CAP1: variants seen among roughly 807,000 people sequenced by gnomAD.
CAP1 encodes cyclase associated actin cytoskeleton regulatory protein 1.
Under a neutral mutation model 58.2 loss-of-function variants are expected in CAP1, and 11 were observed. The observed-to-expected ratio is 0.19, with a 90% CI of 0.12 to 0.31. The LOEUF is 0.31. CAP1 is among the 10% of genes least tolerant of loss of function. The pLI is 1.00. For missense variants in CAP1, 423 were observed against 587.5 expected, an observed-to-expected ratio of 0.72 and a Z score of 2.89; for synonymous variants, 183 against 213.8, an observed-to-expected ratio of 0.86 and a Z score of 1.26.
chr1:40,043,038 A>G (rs1234290468), intron 1 of CAP1, among the ~76,000 whole-genome samples: 1 of 152,192 alleles, frequency 6.6e-6, no homozygotes, highest in African/African-American at 2.4e-5. Context: ...ACATCCAGGC[A>G]AAGATGTCTA....
Position 40,064,488 on chromosome 1 carries a change from C to A in CAP1, c.453C>A (p.Gly151=). Residue 151 remains glycine, a synonymous_variant, in exon 6 of 13, where the codon GGC becomes GGA. Coordinates refer to ENST00000372805, the MANE Select transcript of CAP1 (RefSeq NM_006367.4). ...LGWVAMAPKP[G]PYVKEMNDAA... is the part of the protein sequence containing the mutation. ...TCTCTCTCTAGGCTCCCAAGCCTGG[C>A]CCTTATGTGAAAGAAATGAATGATG... is the stretch of plus-strand genomic sequence containing the variant. 6.2e-7 allele frequency: 1 copy of A among 1,613,606 alleles called. No homozygotes were observed. Among genetic ancestry groups the A allele is most frequent in the Non-Finnish European group, 8.5e-7 (1 of 1,179,554 alleles).
At chr1:40,054,888 C>G (rs1465072149) in intron 1 of CAP1, among the ~76,000 whole-genome samples, 1 of 151,896 alleles carries the variant, frequency 6.6e-6, no homozygotes, top group African/African-American at 2.4e-5. Context: ...AACTCCTGGC[C>G]TCAAGTGATT....
At chr1:40,070,650 GA>G (rs1647743581) in intron 11 of CAP1, 138 bp downstream of exon 11, 2 of 942,702 alleles carry the variant, frequency 2.1e-6, no homozygotes, top group African/African-American at 3.3e-5. Context: ...CGTGGCAGAA[GA>G]AGGGTTGGCT....
intron 1 of CAP1, among the ~76,000 whole-genome samples, chr1:40,044,447 A>G (rs559283738): frequency 2.6e-5 from 4 of 152,258 alleles, no homozygotes; most frequent in African/African-American, 9.6e-5. Flanking sequence ...TTCTTTCTTT[A>G]TTTGTGCTAA....
chr1:40,041,830 G>A (rs1267198536), intron 1 of CAP1, among the ~76,000 whole-genome samples: 1 of 152,140 alleles, frequency 6.6e-6, no homozygotes, highest in Non-Finnish European at 1.5e-5. Context: ...ATGTAACAGG[G>A]GGTTCAGGAA....
chr1:40,052,534 C>G (rs540449354), intron 1 of CAP1, among the ~76,000 whole-genome samples: 73 of 152,172 alleles, frequency 4.8e-4, no homozygotes, highest in African/African-American at 1.8e-3. Flanking sequence ...TCTGATACTT[C>G]TGTGTTTGGG....
At chr1:40,048,182 C>A (rs1456599837) in intron 1 of CAP1, among the ~76,000 whole-genome samples, 1 of 152,202 alleles carries the variant, frequency 6.6e-6, no homozygotes, top group Non-Finnish European at 1.5e-5. Context: ...TTGCACCCAC[C>A]CACCATCACG....
intron 1 of CAP1, among the ~76,000 whole-genome samples, chr1:40,053,674 C>T (rs962715786): frequency 1.2e-4 from 18 of 152,006 alleles, no homozygotes; most frequent in Non-Finnish European, 2.1e-4. Context: ...CTCGAACTCC[C>T]GACCTCAGGT....
At position 40,069,818 on chromosome 1, in the gene CAP1, C is replaced by T; in HGVS notation, c.937C>T (p.Arg313Ter). The T allele has an allele frequency of 1.9e-6, 3 of 1,551,470 alleles. No homozygotes were observed. The highest frequency in any genetic ancestry group is 2.6e-6 in the Non-Finnish European group (3 of 1,154,130). Residue 313 changes from arginine to a stop codon, truncating the protein, a stop_gained, in exon 9 of 13, where the codon CGA becomes TGA. Transcript: ENST00000372805. LOFTEE classifies it high-confidence loss of function. ...ACCCCAAACCAGCCCATCCCCCAAA[C>T]GAGCCACAAAGAAGGAGCCAGCTGT... ...PKPQTSPSPKRATKKEPAVLE... is the reference protein window; with the variant it reads ...PKPQTSPSPK
rs984566586 is a variant in CAP1, at chr1:40,044,735, T to G, written c.-11+3934T>G. On this transcript the variant is annotated intron_variant, in intron 1 of 12. Coordinates refer to ENST00000372805, the MANE Select transcript of CAP1 (RefSeq NM_006367.4). ...GCACCTCCCTATGCTCCTTATTAAA[T>G]TAGAACAGGGTTTCTCAACGTTGGC... Among the ~76,000 whole-genome samples, 40 of 151,588 alleles carry G rather than the reference T, an allele frequency of 2.6e-4. 1 individual carries two copies. Among genetic ancestry groups the G allele is most frequent in the Non-Finnish European group, 5.6e-4 (38 of 67,936 alleles).
Position 40,051,548 on chromosome 1 carries a change from G to GT in CAP1, c.-10-7783dup, listed in dbSNP as rs922767784. On this transcript the variant is annotated intron_variant, in intron 1 of 12. Coordinates refer to ENST00000372805, the MANE Select transcript of CAP1 (RefSeq NM_006367.4). ...AGCCTGGTCAATAGAGCCAGACCCT[G>GT]TTTTTTGTTTGTTTGGGGTTTTTTT... Among the ~76,000 whole-genome samples, 4 of 152,234 alleles carry GT rather than the reference G, an allele frequency of 2.6e-5. No individual in the cohort carries two copies. In the East Asian group the frequency reaches 7.7e-4, roughly 29 times the overall value.
intron 1 of CAP1, among the ~76,000 whole-genome samples, chr1:40,047,329 G>A (rs753313012): frequency 1.3e-5 from 2 of 152,234 alleles, no homozygotes; most frequent in Non-Finnish European, 2.9e-5. Context: ...ATATGCCTCA[G>A]CTACAGTGCT....
intron 1 of CAP1, among the ~76,000 whole-genome samples, chr1:40,043,143 CAGA>C (rs1645917776): frequency 6.6e-6 from 1 of 152,072 alleles, no homozygotes; most frequent in Non-Finnish European, 1.5e-5. Context: ...TGGAGTTTTG[CAGA>C]AGACCAGACT....
intron 1 of CAP1, among the ~76,000 whole-genome samples, chr1:40,055,748 A>G (rs1415683526): frequency 6.6e-6 from 1 of 151,960 alleles, no homozygotes; most frequent in African/African-American, 2.4e-5. Context: ...ACCTCAAGCA[A>G]CCCTCCTGTC....
At chr1:40,060,038 C>G (rs1646781811) in intron 2 of CAP1, 29 bp from the exon 3 acceptor site, 1 of 1,577,604 alleles carries the variant, frequency 6.3e-7, no homozygotes, top group South Asian at 1.1e-5. Context: ...TGATGCATGG[C>G]TGATTCTTTG....
At chr1:40,066,117 G>A (rs1647066337) in intron 6 of CAP1, 98 bp from the exon 7 acceptor site, 10 of 706,048 alleles carry the variant, frequency 1.4e-5, no homozygotes, top group Non-Finnish European at 2.3e-5. Flanking sequence ...GAAACACCAC[G>A]GGTAGGAGAA....
rs774924253 is a variant in CAP1 at position 40,066,194 on chromosome 1, GTTC to G, written c.525-15_525-13del. 1.0e-5 allele frequency: 14 copies of G among 1,361,710 alleles called. No homozygotes were observed. Among genetic ancestry groups the G allele is most frequent in the Non-Finnish European group, 1.4e-5 (13 of 951,196 alleles). 84.4% of individuals were successfully genotyped at this position (1,361,710 alleles called of 1,614,324 possible). ...TATGTACCCGGATCACCTGTGACAA[GTTC>G]TTCTTTAATCCTCCCAGGGATAAGA... is the stretch of plus-strand genomic sequence containing the variant. On this transcript the variant is annotated intron_variant, in intron 6 of 12. Transcript: ENST00000372805.
chr1:40,067,844 CCTTT>C (rs1647169528), intron 8 of CAP1, 127 bp downstream of exon 8: 1 of 620,510 alleles, frequency 1.6e-6, no homozygotes. Flanking sequence ...GTGTCCTGTT[CCTTT>C]AAGGGACGGC....
Position 40,059,348 on chromosome 1 carries a change from TG to T in CAP1, c.4del (p.Ala2?). 6.2e-7 allele frequency: 1 copy of T among 1,601,192 alleles called. No individual in the cohort carries two copies. Among genetic ancestry groups the T allele is most frequent in the Non-Finnish European group, 8.6e-7 (1 of 1,168,216 alleles). ...ATCTGTTTCAGCAGGTGGTCCATTA[TG>T]GCTGACATGCAAAATCTGGTAGAAA... MADMQNLVERL... is the reference protein window; with the variant it reads XADMQNLVERL... On this transcript the variant is annotated frameshift_variant and start_lost, in exon 2 of 13. Coordinates refer to ENST00000372805, the MANE Select transcript of CAP1 (RefSeq NM_006367.4). LOFTEE classifies it high-confidence loss of function.
Sources: allele counts gnomAD v4.1 joint callset (sites outside exome capture counted in the v4.1 genomes callset), GRCh38; gene constraint gnomAD v4.1.1; transcripts MANE v1.5; gene names NCBI Gene and HGNC (gene_info 2026-07-23, HGNC 2026-07-21).